TMEM200A: variants seen among roughly 807,000 people sequenced by gnomAD.
The protein encoded by TMEM200A is two transmembrane C.
A neutral mutation model predicts 24.3 loss-of-function variants in TMEM200A; 12 were observed. The observed-to-expected ratio is 0.49, with a 90% CI of 0.32 to 0.80. The LOEUF is 0.80. Ranked by LOEUF, TMEM200A falls within the 30% of genes least tolerant of loss-of-function variation. TMEM200A has a pLI of 0.04. For synonymous variants in TMEM200A, 224 were observed against 224.4 expected, an observed-to-expected ratio of 1.00 and a Z score of 0.02; for missense variants, 545 against 614.4, an observed-to-expected ratio of 0.89 and a Z score of 1.19.
At chr6:130,429,786 G>C (rs557467477) in intron 2 of TMEM200A, among the ~76,000 whole-genome samples, 1 of 152,216 alleles carries the variant, frequency 6.6e-6, no homozygotes, top group East Asian at 1.9e-4. Context: ...TTTTCTGTAT[G>C]CTAAAAGATA....
chr6:130,404,159 A>G (rs1583201042), intron 2 of TMEM200A, among the ~76,000 whole-genome samples: 1 of 152,058 alleles, frequency 6.6e-6, no homozygotes, highest in African/African-American at 2.4e-5. Context: ...TGTCTTTATA[A>G]TAGAATGATG....
intron 2 of TMEM200A, among the ~76,000 whole-genome samples, chr6:130,421,544 A>G (rs1486562009): frequency 8.2e-6 from 1 of 121,434 alleles, no homozygotes; most frequent in Non-Finnish European, 1.7e-5. Context: ...GTGCATGCGT[A>G]CATGTTAAGA....
intron 1 of TMEM200A, among the ~76,000 whole-genome samples, chr6:130,380,978 C>A: frequency 6.6e-6 from 1 of 152,054 alleles, no homozygotes; most frequent in East Asian, 1.9e-4. Context: ...CAGAGTGAGA[C>A]CCTGTCTCTA....
At chr6:130,381,579 C>T (rs757179812) in intron 1 of TMEM200A, among the ~76,000 whole-genome samples, 2 of 152,170 alleles carry the variant, frequency 1.3e-5, no homozygotes, top group Admixed American at 1.3e-4. Context: ...ATTTTCCTCC[C>T]AGTACAACAA....
intron 2 of TMEM200A, among the ~76,000 whole-genome samples, chr6:130,427,510 T>A (rs1779773342): frequency 6.8e-6 from 1 of 146,618 alleles, no homozygotes; most frequent in Non-Finnish European, 1.5e-5. Context: ...TATACATAGT[T>A]TCATGTATTC....
intron 2 of TMEM200A, among the ~76,000 whole-genome samples, chr6:130,436,448 G>C (rs1780013540): frequency 6.8e-6 from 1 of 147,912 alleles, no homozygotes; most frequent in East Asian, 2.0e-4. Flanking sequence ...AGTCATAAAA[G>C]TGTAGGATGG....
intron 2 of TMEM200A, among the ~76,000 whole-genome samples, chr6:130,405,698 C>T (rs1350821297): frequency 1.3e-5 from 2 of 152,320 alleles, no homozygotes. Context: ...TGGTTTCCAG[C>T]TCCTATGTGC....
rs746657400 is a variant in TMEM200A at position 130,441,541 on chromosome 6, G to T, written c.1119G>T (p.Leu373Phe). The T allele has an allele frequency of 1.2e-6, 2 of 1,614,004 alleles. No homozygotes were observed. Among genetic ancestry groups the T allele is most frequent in the Non-Finnish European group, 1.7e-6 (2 of 1,179,992 alleles). Residue 373 changes from leucine (L) to phenylalanine (F), a missense_variant, in exon 3 of 3, where the codon TTG becomes TTT. Transcript: ENST00000296978. ...TCGGACCTGGGGCTGGACAGCTCTT[G>T]TCTCCTGGGGCTGCCAGAAGACAGT... ...MALGPGAGQL[L>F]SPGAARRQFG...
At chr6:130,370,376 C>T (rs1423704223) in intron 1 of TMEM200A, among the ~76,000 whole-genome samples, 1 of 152,068 alleles carries the variant, frequency 6.6e-6, no homozygotes, top group African/African-American at 2.4e-5. Flanking sequence ...ATGTGCCCAA[C>T]CCTGTGTATA....
intron 1 of TMEM200A, among the ~76,000 whole-genome samples, chr6:130,384,611 C>A (rs578018104): frequency 3.9e-5 from 6 of 152,220 alleles, no homozygotes; most frequent in African/African-American, 1.2e-4. Flanking sequence ...CCTGCCTGGC[C>A]AGAAAATTAT....
At chr6:130,434,524 C>A (rs1019926356) in intron 2 of TMEM200A, among the ~76,000 whole-genome samples, 1 of 152,150 alleles carries the variant, frequency 6.6e-6, no homozygotes, top group Non-Finnish European at 1.5e-5. Flanking sequence ...TAGGAATAAA[C>A]TTCTGTGAGT....
intron 2 of TMEM200A, among the ~76,000 whole-genome samples, chr6:130,398,443 G>GT (rs11362175): frequency 2.7e-3 from 400 of 149,314 alleles, no homozygotes; most frequent in Non-Finnish European, 4.1e-3. Context: ...GTGCATGTGG[G>GT]TTTTTTTTTT....
intron 2 of TMEM200A, among the ~76,000 whole-genome samples, chr6:130,409,900 G>A (rs1214864253): frequency 1.3e-5 from 2 of 151,706 alleles, no homozygotes; most frequent in East Asian, 1.9e-4. Context: ...CGTTCTTGAA[G>A]TATGTTGCAA....
chr6:130,367,080 G>A (rs80222761), intron 1 of TMEM200A, among the ~76,000 whole-genome samples: 2,850 of 152,300 alleles, frequency 0.019, 99 homozygotes, highest in African/African-American at 0.064. Flanking sequence ...ACATTGTGTA[G>A]GCGCAAGCTC....
Sources: gnomAD v4.1 joint callset for allele counts (sites outside exome capture counted in the v4.1 genomes callset) on GRCh38, gnomAD v4.1.1 for gene constraint, MANE v1.5 for transcripts, NCBI Gene and HGNC (gene_info 2026-07-23, HGNC 2026-07-21) for gene names.